The following ABCB5 variants were observed in gnomAD, a reference collection of about 807,000 sequenced individuals.
ABCB5 encodes ATP binding cassette subfamily B member 5.
In ABCB5, 155 loss-of-function variants were observed where a neutral mutation model predicts 144.2. That is an observed-to-expected ratio of 1.08 (90% CI 0.94 to 1.23). ABCB5 has a LOEUF of 1.23. ABCB5 is among the 50% of genes most tolerant of loss of function. The probability of loss-of-function intolerance (pLI) is 0.00; values close to 1 mark genes in which losing one functional copy is unlikely to be tolerated. For missense variants in ABCB5, 1,830 were observed against 1,520.8 expected, an observed-to-expected ratio of 1.20 and a Z score of -3.38; for synonymous variants, 610 against 528.6, an observed-to-expected ratio of 1.15 and a Z score of -2.11.
At chr7:20,717,351 G>C (rs887515655) in intron 20 of ABCB5, among the ~76,000 whole-genome samples, 4 of 152,124 alleles carry the variant, frequency 2.6e-5, no homozygotes, top group African/African-American at 9.7e-5. Context: ...TTTACTCCGA[G>C]GGCCTTGGCT....
rs1033548646 is a variant in ABCB5, at chr7:20,647,596, C to G, written c.1043C>G (p.Thr348Ser). The change falls in exon 10 of 28, where the codon ACC becomes AGC. Residue 348 changes from threonine to serine, a missense_variant. Thr to Ser is a moderately conservative substitution (Grantham distance 58). Coordinates refer to ENST00000404938, the MANE Select transcript of ABCB5 (RefSeq NM_001163941.2). ...GGAGCAGCAGTCCCTCACTTTGAAA[C>G]CTTCGCAATAGCCCGAGGAGCTGCC... ...CIGAAVPHFE[T>S]FAIARGAAFH... 1.3e-6 allele frequency: 2 copies of G among 1,589,696 alleles called. No individual in the cohort carries two copies. Among genetic ancestry groups the G allele is most frequent in the Non-Finnish European group, 1.7e-6 (2 of 1,166,744 alleles).
At position 20,666,888 on chromosome 7, in the gene ABCB5, A is replaced by C; in HGVS notation, c.1707+8212A>C. On this transcript the variant is annotated intron_variant, in intron 14 of 27. Transcript: ENST00000404938. ...CTAATTCTGGCTAAAAGACAGCATC[A>C]GCTCAAATTTTCCTGATCAGTTTTT... The C allele has an allele frequency of 1.5e-6, 2 of 1,337,470 alleles. 1 individual carries two copies. The highest frequency in any genetic ancestry group is 5.7e-5 in the East Asian group (2 of 35,128). The allele number at this position is 1,337,470 out of a possible 1,614,324, so 82.9% of individuals were successfully genotyped here.
intron 14 of ABCB5, 89 bp from the exon 15 acceptor site, chr7:20,681,416 C>G: frequency 2.1e-6 from 3 of 1,442,526 alleles, no homozygotes; most frequent in Non-Finnish European, 2.8e-6. Flanking sequence ...CATGAGCCAC[C>G]ATGCCGGGTC....
chr7:20,699,108 A>G (rs1786520557), intron 17 of ABCB5, among the ~76,000 whole-genome samples: 2 of 152,212 alleles, frequency 1.3e-5, no homozygotes. Flanking sequence ...AATTTTTAAG[A>G]AAAATTCTGG....
At chr7:20,742,812 T>C in intron 24 of ABCB5, 65 bp from the exon 25 acceptor site, 1 of 1,507,156 alleles carries the variant, frequency 6.6e-7, no homozygotes, top group Non-Finnish European at 9.2e-7. Flanking sequence ...ACTTGGCCAG[T>C]ATGCTACAGT....
chr7:20,727,590 C>T (rs970063551), intron 22 of ABCB5, among the ~76,000 whole-genome samples: 37 of 151,980 alleles, frequency 2.4e-4, no homozygotes, highest in African/African-American at 8.7e-4. Flanking sequence ...CAAAAATTAG[C>T]TGGGTGTGGT....
chr7:20,667,894 G>GT lies in ABCB5; in HGVS notation c.1707+9228dup, dbSNP rs1338307830. Among the ~76,000 whole-genome samples the GT allele has an allele frequency of 3.4e-3, 468 of 138,910 alleles. 4 individuals are homozygous for GT. The highest frequency in any genetic ancestry group is 6.7e-3 in the African/African-American group (248 of 37,118). The allele number at this position is 138,910 out of a possible 152,430, so 91.1% of individuals were successfully genotyped here. A position where few individuals can be genotyped will look rare whatever the true frequency, so the allele number is the denominator to read the frequency against. On this transcript the variant is annotated intron_variant, in intron 14 of 27. Transcript: ENST00000404938. ...ACGCCGCCACGCCTGACTGGTTTTC[G>GT]TTTTTTTTTTGGTGGAGACGGGGTT... is the stretch of plus-strand genomic sequence containing the variant.
At chr7:20,753,536 T>A in intron 27 of ABCB5, 30 bp downstream of exon 27, 1 of 1,592,276 alleles carries the variant, frequency 6.3e-7, no homozygotes, top group South Asian at 1.1e-5. Flanking sequence ...TCTCAGAATA[T>A]AATACCAAAT....
chr7:20,677,159 A>T (rs976421524), intron 14 of ABCB5, among the ~76,000 whole-genome samples: 1 of 152,202 alleles, frequency 6.6e-6, no homozygotes, highest in Non-Finnish European at 1.5e-5. Context: ...AAACTTGTTC[A>T]GCTATTCATG....
At chr7:20,629,981 T>C (rs1447900428) in intron 4 of ABCB5, among the ~76,000 whole-genome samples, 1 of 152,072 alleles carries the variant, frequency 6.6e-6, no homozygotes, top group African/African-American at 2.4e-5. Context: ...AGCAATTAGG[T>C]GTGGAAAAGG....
intron 9 of ABCB5, chr7:20,647,253 C>A: frequency 8.9e-7 from 1 of 1,123,502 alleles, no homozygotes; most frequent in Non-Finnish European, 1.1e-6. Context: ...TCACACATCC[C>A]AGCATGTGAT....
chr7:20,623,089 G>A (rs932001462), intron 1 of ABCB5, among the ~76,000 whole-genome samples, 176 bp from the exon 2 acceptor site: 1 of 152,072 alleles, frequency 6.6e-6, no homozygotes, highest in Non-Finnish European at 1.5e-5. Flanking sequence ...GACAAAATTT[G>A]AATCTATGAA....
chr7:20,675,919 A>G (rs1785586213), intron 14 of ABCB5, among the ~76,000 whole-genome samples: 1 of 152,148 alleles, frequency 6.6e-6, no homozygotes. Context: ...ACGTGAAAAG[A>G]TTCTTGACAT....
chr7:20,723,364 AG>A, intron 21 of ABCB5, 145 bp downstream of exon 21: 2 of 768,642 alleles, frequency 2.6e-6, no homozygotes. Context: ...ATATGTATAG[AG>A]AGAGAAATGC....
chr7:20,712,765 A>G (rs1381502159), intron 20 of ABCB5, among the ~76,000 whole-genome samples: 3 of 149,366 alleles, frequency 2.0e-5, no homozygotes, highest in African/African-American at 7.4e-5. Flanking sequence ...ATACATTGGT[A>G]GTAGCTTTTT....
At chr7:20,640,385 G>T (rs1784270018) in intron 5 of ABCB5, among the ~76,000 whole-genome samples, 1 of 152,002 alleles carries the variant, frequency 6.6e-6, no homozygotes, top group South Asian at 2.1e-4. Flanking sequence ...TTTAATGTGT[G>T]TTGGTGATTC....
At chr7:20,626,659 C>A in intron 3 of ABCB5, 48 bp downstream of exon 3, 5 of 1,510,924 alleles carry the variant, frequency 3.3e-6, no homozygotes, top group Non-Finnish European at 4.5e-6. Flanking sequence ...ATTTTAGAGA[C>A]TTGTCAGTAG....
intron 20 of ABCB5, among the ~76,000 whole-genome samples, chr7:20,705,095 ATAGT>A (rs1191231582): frequency 6.6e-6 from 1 of 152,250 alleles, no homozygotes; most frequent in Non-Finnish European, 1.5e-5. Flanking sequence ...TCAGAATTAA[ATAGT>A]TAGATAAGGA....
intron 26 of ABCB5, among the ~76,000 whole-genome samples, chr7:20,747,703 C>T (rs1475971495): frequency 1.3e-5 from 2 of 152,136 alleles, no homozygotes; most frequent in African/African-American, 4.8e-5. Context: ...TTTCCTTTAA[C>T]ATTTTTTCTA....
Sources: gnomAD v4.1 joint callset for allele counts (sites outside exome capture counted in the v4.1 genomes callset) on GRCh38, gnomAD v4.1.1 for gene constraint, MANE v1.5 for transcripts, NCBI Gene and HGNC (gene_info 2026-07-23, HGNC 2026-07-21) for gene names.